RORA: variants seen among roughly 807,000 people sequenced by gnomAD.
RORA encodes the protein RAR related orphan receptor A, also known as nuclear receptor ROR-alpha.
A neutral mutation model predicts 69.5 loss-of-function variants in RORA; 7 were observed. The ratio of observed to expected loss-of-function variants is 0.10; its 90% CI spans 0.06 to 0.19. RORA has a LOEUF of 0.19. Ranked by LOEUF, RORA falls within the 10% of genes least tolerant of loss-of-function variation. The pLI is 1.00. For synonymous variants in RORA, 261 were observed against 240.8 expected (o/e 1.08, Z -0.78); for missense variants, 457 against 663.0 (o/e 0.69, Z 3.41).
intron 1 of RORA, among the ~76,000 whole-genome samples, chr15:61,166,885 A>AG (rs1415206366): frequency 6.6e-6 from 1 of 152,104 alleles, no homozygotes; most frequent in Non-Finnish European, 1.5e-5. Flanking sequence ...ACATCTCCAT[A>AG]ATTAGATTAC....
At chr15:60,882,145 C>G (rs2073687684) in intron 1 of RORA, among the ~76,000 whole-genome samples, 1 of 152,188 alleles carries the variant, frequency 6.6e-6, no homozygotes, top group Non-Finnish European at 1.5e-5. Flanking sequence ...ACAAAGCATG[C>G]TGGCGAACAC....
chr15:60,971,607 T>TA (rs1345336497), intron 1 of RORA, among the ~76,000 whole-genome samples: 5 of 152,238 alleles, frequency 3.3e-5, no homozygotes, highest in African/African-American at 1.2e-4. Context: ...TCTTCCCCTG[T>TA]ATCATTCTCG....
chr15:60,716,778 A>C (rs1258693431), intron 1 of RORA, among the ~76,000 whole-genome samples: 2 of 152,124 alleles, frequency 1.3e-5, no homozygotes. Flanking sequence ...CTTCCATAAA[A>C]ACCCAGGAGG....
intron 1 of RORA, among the ~76,000 whole-genome samples, chr15:61,030,882 T>C (rs1014384783): frequency 6.6e-6 from 1 of 152,214 alleles, no homozygotes; most frequent in Admixed American, 6.5e-5. Flanking sequence ...TAGAAAAATA[T>C]AGTTTAAAAC....
intron 2 of RORA, among the ~76,000 whole-genome samples, chr15:60,635,907 A>G (rs1198824401): frequency 6.6e-6 from 1 of 152,052 alleles, no homozygotes; most frequent in Non-Finnish European, 1.5e-5. Flanking sequence ...AATTTGACTG[A>G]CTGAATTTTC....
intron 1 of RORA, among the ~76,000 whole-genome samples, chr15:61,046,455 G>A (rs985429701): frequency 6.6e-6 from 1 of 152,124 alleles, no homozygotes. Context: ...GAAGGTGGTC[G>A]TGGGCACATG....
rs747731107 is a variant in RORA at position 60,511,557 on chromosome 15, G to A, written c.489C>T (p.His163=). ...RDSLYAEVQK[H]RMQQQQRDHQ... is the part of the protein sequence containing the mutation. ...GGTCGCGCTGCTGCTGCTGCATCCG[G>A]TGTTTCTGTACTTCTGCATACAAGC... Residue 163 remains histidine (H), a synonymous_variant, in exon 5 of 11, where the codon CAC becomes CAT. Coordinates refer to ENST00000335670, the MANE Select transcript of RORA (RefSeq NM_134261.3). The surrounding 1 kb of genome is among the most constrained non-coding windows in gnomAD (Gnocchi z 6.4). The A allele has an allele frequency of 1.2e-6, 2 of 1,614,080 alleles. No homozygotes were observed. The highest frequency in any genetic ancestry group is 1.1e-5 in the South Asian group (1 of 91,062).
At chr15:60,526,531 A>G (rs150142645) in intron 3 of RORA, among the ~76,000 whole-genome samples, 19 of 152,362 alleles carry the variant, frequency 1.2e-4, no homozygotes, top group African/African-American at 3.8e-4. Context: ...TTGGGTTTTA[A>G]CACAGCCCTA....
At chr15:61,058,521 G>C (rs1355377452) in intron 1 of RORA, among the ~76,000 whole-genome samples, 1 of 152,156 alleles carries the variant, frequency 6.6e-6, no homozygotes, top group Non-Finnish European at 1.5e-5. Context: ...TCAGGTCTGT[G>C]ATAGAAGTAA....
At chr15:60,766,401 CT>C (rs2071992604) in intron 1 of RORA, among the ~76,000 whole-genome samples, 1 of 152,088 alleles carries the variant, frequency 6.6e-6, no homozygotes, top group South Asian at 2.1e-4. Flanking sequence ...AATATACAAA[CT>C]GGATATTCAA....
At chr15:60,640,647 T>C (rs2069927749) in intron 2 of RORA, among the ~76,000 whole-genome samples, 1 of 152,136 alleles carries the variant, frequency 6.6e-6, no homozygotes, top group Non-Finnish European at 1.5e-5. Context: ...CCGGTTGTAC[T>C]GGCCCTTTTC....
intron 1 of RORA, among the ~76,000 whole-genome samples, chr15:61,043,940 AG>A (rs1440909366): frequency 1.3e-5 from 2 of 152,202 alleles, no homozygotes; most frequent in Non-Finnish European, 2.9e-5. Context: ...TGCACAAGTC[AG>A]GATTTGGTTC....
intron 1 of RORA, among the ~76,000 whole-genome samples, chr15:60,946,090 C>A (rs1244654186): frequency 6.6e-6 from 1 of 152,140 alleles, no homozygotes; most frequent in Admixed American, 6.5e-5. Flanking sequence ...AAGCCAAGTG[C>A]ACCTTTCTGA....
chr15:60,548,008 A>G (rs950485980), intron 2 of RORA: 3 of 152,214 alleles, frequency 2.0e-5, no homozygotes, highest in African/African-American at 7.2e-5. Context: ...ATGCTGTTCA[A>G]TTAGGGCAGA....
intron 1 of RORA, among the ~76,000 whole-genome samples, chr15:60,714,456 CTGGGCT>C (rs2071193237): frequency 6.6e-6 from 1 of 151,890 alleles, no homozygotes; most frequent in Admixed American, 6.6e-5. Flanking sequence ...CCTCAACCTC[CTGGGCT>C]CAAGCGATTC....
chr15:60,644,993 A>G (rs1045420732), intron 2 of RORA, among the ~76,000 whole-genome samples: 1 of 152,238 alleles, frequency 6.6e-6, no homozygotes, highest in African/African-American at 2.4e-5. Context: ...TAACTGAGTC[A>G]TCTATAGAAT....
At position 60,763,065 on chromosome 15, in the gene RORA, A is replaced by ATTTTTTTTTTTTTTTTTTTTTTTTTT. The variant is rs374433414; in HGVS notation, c.167-84405_167-84380dup. On this transcript the variant is annotated intron_variant, in intron 1 of 10. Transcript: ENST00000335670. ...AAAGTACTGTTTCCAATATGCACAGATTTTTTTTTTTTTTTTTTTTTTTTT... is the reference window on the plus strand; with the variant it reads ...AAAGTACTGTTTCCAATATGCACAGATTTTTTTTTTTTTTTTTTTTTTTTTTTTTTTTTTTTTTTTTTTTTTTTTTT... 1.4e-4 allele frequency among the ~76,000 whole-genome samples: 7 copies of ATTTTTTTTTTTTTTTTTTTTTTTTTT among 48,370 alleles called. 2 individuals carry two copies. Among genetic ancestry groups the ATTTTTTTTTTTTTTTTTTTTTTTTTT allele is most frequent in the Non-Finnish European group, 1.9e-4 (5 of 25,692 alleles). The allele number at this position is 48,370 out of a possible 152,430, so 31.7% of individuals were successfully genotyped here.
chr15:60,775,130 C>T (rs117174808), intron 1 of RORA, among the ~76,000 whole-genome samples: 5,205 of 152,122 alleles, frequency 0.034, 127 homozygotes, highest in Non-Finnish European at 0.051. Context: ...TCTTAAGTTC[C>T]GTAAACTTGT....
intron 1 of RORA, among the ~76,000 whole-genome samples, chr15:61,218,671 A>AACACACACAC (rs1289661510): frequency 1.1e-4 from 4 of 35,180 alleles, no homozygotes; most frequent in Non-Finnish European, 2.0e-4. Flanking sequence ...TTACTAATAT[A>AACACACACAC]ACTCACACAC....
Sources: gnomAD v4.1 joint callset for allele counts (sites outside exome capture counted in the v4.1 genomes callset) on GRCh38, gnomAD v4.1.1 for gene constraint, Gnocchi (gnomAD v3.1) non-coding constraint, MANE v1.5 for transcripts, NCBI Gene and HGNC (gene_info 2026-07-23, HGNC 2026-07-21) for gene names.